DUS3L: variants seen among roughly 807,000 people sequenced by gnomAD.
The protein encoded by DUS3L is tRNA-dihydrouridine(47) synthase [NAD(P)(+)]-like.
In DUS3L, 62 loss-of-function variants were observed where a neutral mutation model predicts 74.6. The observed-to-expected ratio is 0.83, with a 90% CI of 0.68 to 1.03. DUS3L has a LOEUF of 1.03. Among genes scored for constraint, DUS3L ranks in the 50% least tolerant of loss-of-function variants. The probability of loss-of-function intolerance (pLI) is 0.00; values close to 1 mark genes in which losing one functional copy is unlikely to be tolerated. For missense variants in DUS3L, 884 were observed against 924.4 expected, an observed-to-expected ratio of 0.96 and a Z score of 0.57; for synonymous variants, 433 against 395.7, an observed-to-expected ratio of 1.09 and a Z score of -1.12.
Position 5,785,274 on chromosome 19 carries a change from C to A in DUS3L, c.1882G>T (p.Glu628Ter). The A allele has an allele frequency of 6.2e-7, 1 of 1,611,068 alleles. No homozygotes were observed. The highest frequency in any genetic ancestry group is 8.5e-7 in the Non-Finnish European group (1 of 1,179,300). Residue 628 changes from glutamate (E) to a stop codon, truncating the protein, a stop_gained and splice_region_variant, in exon 13 of 13, where the codon GAG (glutamate) becomes TAG (stop). Coordinates refer to ENST00000309061, the MANE Select transcript of DUS3L (RefSeq NM_020175.3). LOFTEE classifies it high-confidence loss of function. ...GGGGGCACTGGCCCAAGGAGCATCT[C>A]GCTGTGGGAGAGCAGGTGGAAAGCG... ...QKAADWIRIS[E>*]MLLGPVPPSF...
intron 10 of DUS3L, 160 bp from the exon 11 acceptor site, chr19:5,785,951 TTTC>T: frequency 1.3e-6 from 1 of 761,248 alleles, no homozygotes; most frequent in African/African-American, 1.8e-5. Flanking sequence ...AGCACAGGAC[TTTC>T]TTTTGTTTTT....
Position 5,787,095 on chromosome 19 carries a change from G to T in DUS3L, c.1355C>A (p.Pro452His). ...TGCCACGCCCCAGTCCCGCAGCTCG[G>T]GCAGCAGGCGGTGCGCCAGGTTCAC... is the stretch of plus-strand genomic sequence containing the variant. ...ERVNLAHRLL[P>H]ELRDWGVALV... Residue 452 changes from proline to histidine, a missense_variant, in exon 8 of 13, where the codon CCC (proline) becomes CAC (histidine). Transcript: ENST00000309061. The T allele has an allele frequency of 7.7e-7, 1 of 1,299,394 alleles. No homozygotes were observed. Among genetic ancestry groups the T allele is most frequent in the Middle Eastern group, 2.3e-4 (1 of 4,320 alleles). 80.5% of individuals were successfully genotyped at this position (1,299,394 alleles called of 1,614,324 possible). A position where few individuals can be genotyped will look rare whatever the true frequency, so the allele number is the denominator to read the frequency against.
rs1408158935 is a variant in DUS3L, at chr19:5,786,824, G to C, written c.1411C>G (p.Gln471Glu). Residue 471 changes from glutamine (Q) to glutamate (E), a missense_variant, in exon 9 of 13, where the codon CAG (glutamine) becomes GAG (glutamate). Coordinates refer to ENST00000309061, the MANE Select transcript of DUS3L (RefSeq NM_020175.3). ...LVTLHGRSRE[Q>E]RYTKLADWQY... is the part of the protein sequence containing the mutation. ...CAGTCGGCTAGCTTGGTGTAGCGCT[G>C]CTCCCGAGAGCGGCCGTGGAGCTGG... The C allele has an allele frequency of 1.9e-6, 3 of 1,610,318 alleles. No homozygotes were observed. The highest frequency in any genetic ancestry group is 1.3e-5 in the African/African-American group (1 of 74,910).
rs1295009936 is a variant in DUS3L at position 5,787,070 on chromosome 19, T to C, written c.1380A>G (p.Ala460=). The part of the protein sequence containing the change: ...LLPELRDWGV[A]LVTLHGRSRE... ...GCGTCCCAAGACCCACCGTGACGAGTGCCACGCCCCAGTCCCGCAGCTCGG... is the reference window on the plus strand; with the variant it reads ...GCGTCCCAAGACCCACCGTGACGAGCGCCACGCCCCAGTCCCGCAGCTCGG... The change falls in exon 8 of 13, where the codon GCA becomes GCG. Residue 460 remains alanine, a synonymous_variant. Transcript: ENST00000309061. The C allele has an allele frequency of 3.9e-6, 6 of 1,547,516 alleles. No individual in the cohort carries two copies. Among genetic ancestry groups the C allele is most frequent in the Middle Eastern group, 2.0e-4 (1 of 4,970 alleles).
In DUS3L at chr19:5,785,787, C is replaced by A; in HGVS notation, c.1567G>T (p.Ala523Ser). 1 of 1,593,532 alleles carries A rather than the reference C, an allele frequency of 6.3e-7. No individual in the cohort carries two copies. Among genetic ancestry groups the A allele is most frequent in the Non-Finnish European group, 8.5e-7 (1 of 1,171,382 alleles). Residue 523 changes from alanine (A) to serine (S), a missense_variant, in exon 11 of 13, where the codon GCC (alanine) becomes TCC (serine). Physicochemically the swap from Ala to Ser is moderately conservative, Grantham distance 99. Coordinates refer to ENST00000309061, the MANE Select transcript of DUS3L (RefSeq NM_020175.3). ...GTGAAGAGCCACGGCTTGAGCAGGGCGCCACTGTGGGACGGGTGACGATCA... is the reference window on the plus strand; with the variant it reads ...GTGAAGAGCCACGGCTTGAGCAGGGAGCCACTGTGGGACGGGTGACGATCA... The part of the protein sequence containing the change: ...GVTGIMIARG[A>S]LLKPWLFTEI...
rs748357871 is a variant in DUS3L at position 5,789,511 on chromosome 19, C to T, written c.596G>A (p.Arg199His). The change falls in exon 3 of 13, where the codon CGC becomes CAC. Residue 199 changes from arginine (R) to histidine (H), a missense_variant. Physicochemically the swap from Arg to His is conservative, Grantham distance 29. Transcript: ENST00000309061. The stretch of plus-strand genomic sequence containing the variant: ...GCGGATGGACGGGGGCTGGGTCCCG[C>T]GGGCCGCCAACTCCTCCTGCACCAG... ...QNLVQEELAA[R>H]GTQPPSIRNG... 68 of 1,604,806 alleles carry T rather than the reference C, an allele frequency of 4.2e-5. No individual in the cohort carries two copies. The highest frequency in any genetic ancestry group is 2.5e-4 in the South Asian group (23 of 90,522).
chr19:5,788,097 T>G lies in DUS3L; in HGVS notation c.1022A>C (p.Asn341Thr). The change falls in exon 5 of 13, where the codon AAC becomes ACC. Residue 341 changes from asparagine (N) to threonine (T), a missense_variant. By Grantham distance (65) the Asn-to-Thr change is moderately conservative. Coordinates refer to ENST00000309061, the MANE Select transcript of DUS3L (RefSeq NM_020175.3). ...CTCGGACATCTGGCCCTGCAGCAGG[T>G]TGGTGCAGACGGCCATCTCTCCACA... ...VTCGEMAVCT[N>T]LLQGQMSEWA... The G allele has an allele frequency of 6.2e-7, 1 of 1,613,726 alleles. No homozygotes were observed. Among genetic ancestry groups the G allele is most frequent in the Admixed American group, 1.7e-5 (1 of 60,020 alleles).
chr19:5,790,394 G>A (rs2056898411), intron 1 of DUS3L, 59 bp from the exon 2 acceptor site: 11 of 1,599,816 alleles, frequency 6.9e-6, no homozygotes, highest in South Asian at 1.1e-5. Context: ...ACTGGGGAAA[G>A]GAGGCTAGAA....
chr19:5,789,121 T>C (rs2056883160), intron 3 of DUS3L, 86 bp downstream of exon 3: 1 of 1,481,596 alleles, frequency 6.7e-7, no homozygotes, highest in South Asian at 1.4e-5. Context: ...CCCAGGCAGC[T>C]AGAACAGGAA....
chr19:5,789,689 G>A lies in DUS3L; in HGVS notation c.418C>T (p.Arg140Cys). The change falls in exon 3 of 13, where the codon CGC (arginine) becomes TGC (cysteine). Residue 140 changes from arginine to cysteine, a missense_variant. By Grantham distance (180) the Arg-to-Cys change is radical. Transcript: ENST00000309061. ...ESAAKCFFGDRCRFLHDVGRY... is the reference protein window; with the variant it reads ...ESAAKCFFGDCCRFLHDVGRY... ...CCCACGTCGTGCAGAAAGCGGCAGCGATCACCGAAGAAACACTTAGCAGCC... is the reference window on the plus strand; with the variant it reads ...CCCACGTCGTGCAGAAAGCGGCAGCAATCACCGAAGAAACACTTAGCAGCC... 3.1e-6 allele frequency: 5 copies of A among 1,608,234 alleles called. 1 individual carries two copies. In the South Asian group the frequency reaches 5.6e-5, roughly 18 times the overall value.
intron 1 of DUS3L, chr19:5,790,714 C>G (rs2056901661): frequency 1.8e-6 from 1 of 548,826 alleles, no homozygotes; most frequent in Non-Finnish European, 3.3e-6. Context: ...CGCTTCAACC[C>G]CAAGACCCGC....
At chr19:5,787,851 G>C (rs1161599179) in intron 5 of DUS3L, 146 bp from the exon 6 acceptor site, 1 of 1,425,468 alleles carries the variant, frequency 7.0e-7, no homozygotes, top group African/African-American at 1.4e-5. Context: ...TGTCTGCGAG[G>C]CACCGGTCCC....
In DUS3L at chr19:5,789,626, G is replaced by GCCCC; in HGVS notation, c.480_481insGGGG (p.Arg161GlyfsTer70). 6.2e-7 allele frequency: 1 copy of GCCCC among 1,602,420 alleles called. No homozygotes were observed. Among genetic ancestry groups the GCCCC allele is most frequent in the Non-Finnish European group, 8.5e-7 (1 of 1,175,900 alleles). On this transcript the variant is annotated frameshift_variant, in exon 3 of 13. Transcript: ENST00000309061. LOFTEE classifies it high-confidence loss of function. Reference sequence around the variant, plus strand: ...CCGAAGGTCTCGAAGAGCACGCAGCGGGGGCCCAGGTCGGCCGGCTTGGTC... The same window carrying GCCCC: ...CCGAAGGTCTCGAAGAGCACGCAGCGCCCCGGGGCCCAGGTCGGCCGGCTTGGTC...
chr19:5,786,926 G>A, intron 8 of DUS3L, 81 bp from the exon 9 acceptor site: 1 of 1,503,800 alleles, frequency 6.6e-7, no homozygotes, highest in Middle Eastern at 1.8e-4. Flanking sequence ...CAGGCTGAGA[G>A]AGACAGAGAG....
rs763137251 is a variant in DUS3L, at chr19:5,789,443, C to T, written c.664G>A (p.Glu222Lys). The T allele has an allele frequency of 3.1e-6, 5 of 1,600,340 alleles. No homozygotes were observed. Among genetic ancestry groups the T allele is most frequent in the East Asian group, 2.2e-5 (1 of 44,728 alleles). ...KALQQQLRKR[E>K]VRFERAEQAL... is the part of the protein sequence containing the mutation. Reference sequence around the variant, plus strand: ...TGCTCAGCTCGCTCGAAGCGGACCTCGCGCTTCCGCAGCTGCTGCTGCAGG... The same window carrying T: ...TGCTCAGCTCGCTCGAAGCGGACCTTGCGCTTCCGCAGCTGCTGCTGCAGG... The change falls in exon 3 of 13, where the codon GAG (glutamate) becomes AAG (lysine). Residue 222 changes from glutamate (E) to lysine (K), a missense_variant. Transcript: ENST00000309061.
chr19:5,789,123 G>A (rs1268642523), intron 3 of DUS3L, 84 bp downstream of exon 3: 2 of 1,483,992 alleles, frequency 1.3e-6, no homozygotes, highest in East Asian at 2.5e-5. Flanking sequence ...CAGGCAGCTA[G>A]AACAGGAACG....
Position 5,790,836 on chromosome 19 carries a change from T to C in DUS3L, c.98+208A>G, listed in dbSNP as rs1238367820. 17 of 607,214 alleles carry C rather than the reference T, an allele frequency of 2.8e-5. No individual in the cohort carries two copies. The South Asian group carries it at 3.3e-4, about 12-fold the overall frequency. The allele number at this position is 607,214 out of a possible 1,614,324, so 37.6% of individuals were successfully genotyped here. A position where few individuals can be genotyped will look rare whatever the true frequency, so the allele number is the denominator to read the frequency against. ...AATCCCACCTGCCCTAGCATGCACG[T>C]GGTGTCCTTCGCGCATGTGACAGGC... On this transcript the variant is annotated intron_variant, in intron 1 of 12. Transcript: ENST00000309061.
chr19:5,786,363 G>T, intron 10 of DUS3L, 104 bp downstream of exon 10: 1 of 1,140,614 alleles, frequency 8.8e-7, no homozygotes, highest in Non-Finnish European at 1.2e-6. Context: ...CTCCCATCTT[G>T]GGACCAACAG....
Position 5,786,763 on chromosome 19 carries a change from G to T in DUS3L, c.1472C>A (p.Pro491His). 1 of 1,612,042 alleles carries T rather than the reference G, an allele frequency of 6.2e-7. No individual in the cohort carries two copies. Among genetic ancestry groups the T allele is most frequent in the African/African-American group, 1.3e-5 (1 of 75,048 alleles). The stretch of plus-strand genomic sequence containing the variant: ...GGAACACCCACCGAACAGGGGCATG[G>T]GGCTGGCGGCCTGCACGCACTCCTC... The part of the protein sequence containing the change: ...YIEECVQAAS[P>H]MPLFGNGDIL... The change falls in exon 9 of 13, where the codon CCC becomes CAC. Residue 491 changes from proline to histidine, a missense_variant. Transcript: ENST00000309061.
Sources: allele counts gnomAD v4.1 joint callset, GRCh38; gene constraint gnomAD v4.1.1; transcripts MANE v1.5; gene names NCBI Gene and HGNC (gene_info 2026-07-23, HGNC 2026-07-21).